Variants in RYR3 observed in about 807,000 individuals in gnomAD.
The protein encoded by RYR3 is ryanodine receptor 3.
RYR3 carries 207 observed loss-of-function variants against 584.3 expected under a neutral mutation model. The observed-to-expected ratio is 0.35, with a 90% confidence interval of 0.32 to 0.40. The LOEUF is 0.40. RYR3 is among the 10% of genes least tolerant of loss of function. The probability of loss-of-function intolerance (pLI) is 1.00; values close to 1 mark genes in which losing one functional copy is unlikely to be tolerated. For missense variants in RYR3, 5,616 were observed against 6,089.2 expected (o/e 0.92, Z 2.59); for synonymous variants, 2,416 against 2,248.5 (o/e 1.07, Z -2.11).
chr15:33,375,610 T>C (rs1595891650), intron 1 of RYR3, among the ~76,000 whole-genome samples: 1 of 152,170 alleles, frequency 6.6e-6, no homozygotes, highest in Non-Finnish European at 1.5e-5. Context: ...GAGATCTCTA[T>C]CCACATGTAG....
chr15:33,337,934 ATTTTTTTTTTTTTTTT>A (rs199625940), intron 1 of RYR3, among the ~76,000 whole-genome samples: 19 of 113,586 alleles, frequency 1.7e-4, no homozygotes, highest in Admixed American at 3.9e-4. Flanking sequence ...ATTTTAGGAG[ATTTTTTTTTTTTTTTT>A]TTTTTTTTTT....
chr15:33,826,147 A>G, intron 82 of RYR3, 105 bp from the exon 83 acceptor site: 2 of 1,092,816 alleles, frequency 1.8e-6, no homozygotes, highest in East Asian at 2.4e-5. Context: ...TAAAGCTATC[A>G]TCTAGGATGG....
chr15:33,845,170 C>A, intron 93 of RYR3, 108 bp downstream of exon 93: 1 of 1,030,602 alleles, frequency 9.7e-7, no homozygotes, highest in Non-Finnish European at 1.5e-6. Context: ...TAAAGGCCTT[C>A]GTAAGGTCCG....
intron 1 of RYR3, among the ~76,000 whole-genome samples, chr15:33,361,837 C>T (rs182828371): frequency 3.9e-5 from 6 of 152,262 alleles, no homozygotes; most frequent in East Asian, 1.9e-4. Context: ...CTAATTGATC[C>T]GGGATGGGGC....
chr15:33,698,682 G>A (rs1428022541), intron 40 of RYR3, among the ~76,000 whole-genome samples: 1 of 151,742 alleles, frequency 6.6e-6, no homozygotes, highest in Non-Finnish European at 1.5e-5. Flanking sequence ...TGGGGAGGGG[G>A]TGGGTGTGTA....
intron 85 of RYR3, among the ~76,000 whole-genome samples, chr15:33,829,974 G>C (rs1596864745): frequency 6.6e-6 from 1 of 152,292 alleles, no homozygotes. Flanking sequence ...ATCAAACTTT[G>C]ACAAACGAAG....
At chr15:33,563,557 A>G (rs2057532188) in intron 11 of RYR3, among the ~76,000 whole-genome samples, 1 of 152,218 alleles carries the variant, frequency 6.6e-6, no homozygotes, top group Non-Finnish European at 1.5e-5. Context: ...GCATCTATTT[A>G]CCAGAAAGTC....
intron 60 of RYR3, among the ~76,000 whole-genome samples, chr15:33,765,732 A>T (rs529544300): frequency 1.6e-4 from 24 of 152,330 alleles, no homozygotes. Flanking sequence ...CCAGCCATTA[A>T]ATATCACCAT....
At chr15:33,343,787 C>T (rs985349229) in intron 1 of RYR3, among the ~76,000 whole-genome samples, 2 of 152,192 alleles carry the variant, frequency 1.3e-5, no homozygotes, top group African/African-American at 4.8e-5. Context: ...ATCCCAGGAA[C>T]GGAAGCAGAC....
chr15:33,483,137 T>C (rs924358284), intron 2 of RYR3, among the ~76,000 whole-genome samples: 2 of 152,150 alleles, frequency 1.3e-5, no homozygotes, highest in Non-Finnish European at 2.9e-5. Flanking sequence ...AAGGTTTCTG[T>C]TTATTTTCTA....
chr15:33,405,227 T>C (rs1021468668), intron 1 of RYR3, among the ~76,000 whole-genome samples: 6 of 152,190 alleles, frequency 3.9e-5, no homozygotes, highest in Non-Finnish European at 8.8e-5. Flanking sequence ...CAACCATGAG[T>C]GGTTTTCATT....
chr15:33,782,103 A>C (rs1227092760), intron 65 of RYR3, among the ~76,000 whole-genome samples: 1 of 152,206 alleles, frequency 6.6e-6, no homozygotes, highest in Non-Finnish European at 1.5e-5. Flanking sequence ...CTTGAGAAAT[A>C]GTGTATCTCT....
At chr15:33,636,336 G>C in intron 26 of RYR3, 40 bp from the exon 27 acceptor site, 1 of 1,587,128 alleles carries the variant, frequency 6.3e-7, no homozygotes, top group Non-Finnish European at 8.6e-7. Context: ...GGGGCCTCTA[G>C]AGACTCCATT....
chr15:33,469,620 A>T (rs568585819), intron 1 of RYR3, among the ~76,000 whole-genome samples: 37 of 151,936 alleles, frequency 2.4e-4, no homozygotes, highest in African/African-American at 8.9e-4. Context: ...ATATAAAAGG[A>T]TAGGTAGACT....
Position 33,311,163 on chromosome 15 carries a change from G to T in RYR3, c.51+67G>T. 6.3e-6 allele frequency: 8 copies of T among 1,273,760 alleles called. No homozygotes were observed. The South Asian group carries it at 8.1e-5, about 13-fold the overall frequency. 78.9% of individuals were successfully genotyped at this position (1,273,760 alleles called of 1,614,324 possible). ...AGGAGCGCGGAGCGCGGCGAGGAGG[G>T]GCTGGCTGCGCTGCGCCGCGGTGCC... On this transcript the variant is annotated intron_variant, in intron 1 of 103. Coordinates refer to ENST00000634891, the MANE Select transcript of RYR3 (RefSeq NM_001036.6). This position sits in a 1 kb window ranked among gnomAD's most constrained non-coding sequence, Gnocchi z 4.4.
intron 1 of RYR3, among the ~76,000 whole-genome samples, chr15:33,462,856 T>TC (rs1468104586): frequency 6.6e-6 from 1 of 152,106 alleles, no homozygotes; most frequent in African/African-American, 2.4e-5. Flanking sequence ...TATGAAAAGT[T>TC]AAAGTGTCCT....
chr15:33,362,561 C>T (rs976661965), intron 1 of RYR3, among the ~76,000 whole-genome samples: 1 of 152,166 alleles, frequency 6.6e-6, no homozygotes, highest in African/African-American at 2.4e-5. Context: ...TATTGGTTCC[C>T]AGTGTCCTAC....
chr15:33,352,125 A>T (rs942908600), intron 1 of RYR3, among the ~76,000 whole-genome samples: 1 of 152,210 alleles, frequency 6.6e-6, no homozygotes, highest in Non-Finnish European at 1.5e-5. Context: ...TAGTGAAGTG[A>T]CTGTTCAGAT....
chr15:33,746,043 A>G, intron 52 of RYR3, 25 bp from the exon 53 acceptor site: 1 of 1,517,998 alleles, frequency 6.6e-7, no homozygotes, highest in Non-Finnish European at 9.0e-7. Context: ...TGCCAAGGAT[A>G]TTTGAACTGA....
Sources: allele counts gnomAD v4.1 joint callset (sites outside exome capture counted in the v4.1 genomes callset), GRCh38; gene constraint gnomAD v4.1.1; non-coding constraint Gnocchi (gnomAD v3.1); transcripts MANE v1.5; gene names NCBI Gene and HGNC (gene_info 2026-07-23, HGNC 2026-07-21).